Variants in PTPRR observed in about 807,000 individuals in gnomAD.
PTPRR encodes receptor-type tyrosine-protein phosphatase R.
Under a neutral mutation model 77.2 loss-of-function variants are expected in PTPRR, and 38 were observed. The observed-to-expected ratio is 0.49, with a 90% CI of 0.38 to 0.65. The LOEUF (loss-of-function observed/expected upper bound fraction) is 0.65, where lower values mean the gene tolerates loss of function less well. Among genes scored for constraint, PTPRR ranks in the 30% least tolerant of loss-of-function variants. PTPRR has a pLI of 0.00. For missense variants in PTPRR, 744 were observed against 799.2 expected, an observed-to-expected ratio of 0.93 and a Z score of 0.83; for synonymous variants, 299 against 283.1, an observed-to-expected ratio of 1.06 and a Z score of -0.57.
At chr12:70,741,723 G>A (rs534292696) in intron 6 of PTPRR, among the ~76,000 whole-genome samples, 7 of 152,092 alleles carry the variant, frequency 4.6e-5, no homozygotes, top group Non-Finnish European at 1.0e-4. Context: ...CTAAGAAAAC[G>A]CCCATGGGCT....
At chr12:70,870,803 T>C (rs569482766) in intron 2 of PTPRR, among the ~76,000 whole-genome samples, 2 of 152,254 alleles carry the variant, frequency 1.3e-5, no homozygotes, top group African/African-American at 2.4e-5. Flanking sequence ...TCTGCAAAGA[T>C]GCACAGTAAC....
At chr12:70,666,978 C>T (rs1318196202) in intron 10 of PTPRR, among the ~76,000 whole-genome samples, 5 of 65,390 alleles carry the variant, frequency 7.6e-5, no homozygotes, top group Admixed American at 5.1e-4. Context: ...TTTTTTGAGA[C>T]GGAGTCTCGC....
chr12:70,782,590 C>CA (rs1424118117), intron 2 of PTPRR, among the ~76,000 whole-genome samples: 47 of 150,816 alleles, frequency 3.1e-4, no homozygotes, highest in Admixed American at 2.8e-3. Context: ...ATCACAAGGA[C>CA]AAAAAACCAA....
chr12:70,788,999 T>C (rs1592758817), intron 2 of PTPRR: 1 of 810,542 alleles, frequency 1.2e-6, no homozygotes, highest in African/African-American at 1.8e-5. Context: ...ACACTGCGGA[T>C]CCCAGGTCTA....
chr12:70,787,940 C>G (rs950330190), intron 2 of PTPRR, among the ~76,000 whole-genome samples: 1 of 152,114 alleles, frequency 6.6e-6, no homozygotes, highest in Non-Finnish European at 1.5e-5. Context: ...ACACTAGAAC[C>G]ATTATATTGT....
chr12:70,902,241 A>G (rs1238316935), intron 1 of PTPRR, among the ~76,000 whole-genome samples: 1 of 151,896 alleles, frequency 6.6e-6, no homozygotes, highest in East Asian at 1.9e-4. Context: ...TACAGCCACT[A>G]TGGAAAACAG....
At chr12:70,834,300 G>T (rs1220124735) in intron 2 of PTPRR, among the ~76,000 whole-genome samples, 1 of 152,128 alleles carries the variant, frequency 6.6e-6, no homozygotes, top group Non-Finnish European at 1.5e-5. Context: ...TGACAAGCTT[G>T]TATATCTGTA....
Position 70,771,626 on chromosome 12 carries a change from G to T in PTPRR, c.358-6848C>A, listed in dbSNP as rs186346884. Among the ~76,000 whole-genome samples, 242 of 152,206 alleles carry T rather than the reference G, an allele frequency of 1.6e-3. 4 individuals carry two copies. Among genetic ancestry groups the T allele is most frequent in the African/African-American group, 5.2e-3 (217 of 41,520 alleles). Reference sequence around the variant, plus strand: ...TTATAATAAAAAGCACAAATTAATGGTCAATTCATAAAGAATTTCATTGAA... The same window carrying T: ...TTATAATAAAAAGCACAAATTAATGTTCAATTCATAAAGAATTTCATTGAA... On this transcript the variant is annotated intron_variant, in intron 2 of 13. Coordinates refer to ENST00000283228, the MANE Select transcript of PTPRR (RefSeq NM_002849.4).
intron 2 of PTPRR, among the ~76,000 whole-genome samples, chr12:70,860,157 G>A (rs976019667): frequency 2.0e-5 from 3 of 151,964 alleles, no homozygotes; most frequent in Non-Finnish European, 4.4e-5. Context: ...CATCTCTTTT[G>A]GATTCCACAA....
At chr12:70,711,053 G>A (rs1000924112) in intron 6 of PTPRR, among the ~76,000 whole-genome samples, 4 of 152,058 alleles carry the variant, frequency 2.6e-5, no homozygotes, top group South Asian at 2.1e-4. Flanking sequence ...ATACCCAAAG[G>A]AATATAAATT....
rs143234733 is a variant in PTPRR at position 70,832,439 on chromosome 12, G to T, written c.357+60240C>A. Among the ~76,000 whole-genome samples, 610 of 152,266 alleles carry T rather than the reference G, an allele frequency of 4.0e-3. 5 individuals are homozygous for T. Among genetic ancestry groups the T allele is most frequent in the African/African-American group, 0.014 (585 of 41,558 alleles). On this transcript the variant is annotated intron_variant, in intron 2 of 13. Coordinates refer to ENST00000283228, the MANE Select transcript of PTPRR (RefSeq NM_002849.4). ...AATATTATGGATAAAGGGCATTTCA[G>T]GTAAAGGGAACTAGAGAGAACATGA...
At chr12:70,889,617 G>C (rs962058096) in intron 2 of PTPRR, among the ~76,000 whole-genome samples, 5 of 152,060 alleles carry the variant, frequency 3.3e-5, no homozygotes, top group African/African-American at 1.2e-4. Context: ...TAGGATTCTA[G>C]GATCTCAAGG....
chr12:70,667,401 T>C (rs906177590), intron 10 of PTPRR, among the ~76,000 whole-genome samples: 20 of 152,166 alleles, frequency 1.3e-4, no homozygotes, highest in African/African-American at 4.8e-4. Context: ...AGGAGAGTAA[T>C]TTTGTTTGGG....
chr12:70,730,411 T>C lies in PTPRR; in HGVS notation c.1007+15407A>G, dbSNP rs112771215. On this transcript the variant is annotated intron_variant, in intron 6 of 13. Coordinates refer to ENST00000283228, the MANE Select transcript of PTPRR (RefSeq NM_002849.4). ...CTGTAACCCCAGCTACTTGGGAGAC[T>C]GAGGCAGGAGAATAGCTTGGACCCT... 8.2e-3 allele frequency among the ~76,000 whole-genome samples: 1,242 copies of C among 152,162 alleles called. 16 individuals are homozygous for C. Among genetic ancestry groups the C allele is most frequent in the African/African-American group, 0.028 (1,181 of 41,494 alleles).
chr12:70,701,219 A>G lies in PTPRR; in HGVS notation c.1112T>C (p.Leu371Pro). 1 of 1,614,006 alleles carries G rather than the reference A, an allele frequency of 6.2e-7. No individual in the cohort carries two copies. Among genetic ancestry groups the G allele is most frequent in the East Asian group, 2.2e-5 (1 of 44,876 alleles). The change falls in exon 7 of 14, where the codon CTG becomes CCG. Residue 371 changes from leucine to proline, a missense_variant. Physicochemically the swap from Leu to Pro is moderately conservative, Grantham distance 98. This residue lies in a region of PTPRR where 570 missense variants were observed against 573.2 expected (regional missense o/e 0.99). Transcript: ENST00000283228. The stretch of plus-strand genomic sequence containing the variant: ...TGTGAGAATTCGGCTGGCTGACTGC[A>G]GATACTCCATTGCTACCTTCTCCCG... ...TPREKVAMEY[L>P]QSASRILTRS...
intron 2 of PTPRR, among the ~76,000 whole-genome samples, chr12:70,771,853 C>T (rs552864995): frequency 6.6e-6 from 1 of 152,230 alleles, no homozygotes; most frequent in Non-Finnish European, 1.5e-5. Flanking sequence ...GAATGAGGTG[C>T]AAGAATACAT....
chr12:70,747,205 G>A (rs1467770419), intron 5 of PTPRR, among the ~76,000 whole-genome samples: 1 of 152,056 alleles, frequency 6.6e-6, no homozygotes, highest in African/African-American at 2.4e-5. Context: ...GACCTTCACG[G>A]TGTAAAAACA....
At chr12:70,916,168 T>A (rs184698872) in intron 1 of PTPRR, among the ~76,000 whole-genome samples, 2 of 152,142 alleles carry the variant, frequency 1.3e-5, no homozygotes, top group Admixed American at 1.3e-4. Flanking sequence ...GAAAATGAAA[T>A]ATGAAATAGA....
intron 6 of PTPRR, among the ~76,000 whole-genome samples, chr12:70,737,486 ATATC>A (rs10643938): frequency 0.071 from 10,287 of 144,138 alleles, 381 homozygotes; most frequent in Non-Finnish European, 0.09. Context: ...TATTTAATGA[ATATC>A]TATCTATCTA....
Sources: allele counts gnomAD v4.1 joint callset (sites outside exome capture counted in the v4.1 genomes callset), GRCh38; gene constraint gnomAD v4.1.1; regional missense constraint gnomAD v4.1.1; transcripts MANE v1.5; gene names NCBI Gene and HGNC (gene_info 2026-07-23, HGNC 2026-07-21).